MIA2: variants seen among roughly 807,000 people sequenced by gnomAD.
MIA2 encodes the protein MIA SH3 domain ER export factor 2, also known as melanoma inhibitory activity protein 2.
In MIA2, 127 loss-of-function variants were observed where a neutral mutation model predicts 167.8. That is an observed-to-expected ratio of 0.76 (90% CI 0.66 to 0.88). The LOEUF is 0.88. MIA2 is among the 40% of genes least tolerant of loss of function. MIA2 has a pLI of 0.00. For synonymous variants in MIA2, 552 were observed against 541.9 expected (o/e 1.02, Z -0.26); for missense variants, 1,690 against 1,624.7 (o/e 1.04, Z -0.69).
At chr14:39,327,095 G>A in intron 25 of MIA2, 73 bp downstream of exon 25, 3 of 1,199,286 alleles carry the variant, frequency 2.5e-6, no homozygotes, top group Non-Finnish European at 2.2e-6. Context: ...AATGGAAGAA[G>A]GGAGGAGTAT....
chr14:39,362,396 C>A (rs2074702959), intron 23 of MIA2, among the ~76,000 whole-genome samples: 1 of 152,102 alleles, frequency 6.6e-6, no homozygotes, highest in South Asian at 2.1e-4. Flanking sequence ...TTTTTGCTTT[C>A]TTTCTCATTC....
At chr14:39,325,282 TG>T (rs1378426286) in intron 24 of MIA2, among the ~76,000 whole-genome samples, 11 of 152,080 alleles carry the variant, frequency 7.2e-5, no homozygotes, top group African/African-American at 2.7e-4. Context: ...TTTTGTTTTC[TG>T]GACAATATAA....
chr14:39,318,310 A>G (rs1177236721), intron 22 of MIA2, among the ~76,000 whole-genome samples: 1 of 152,106 alleles, frequency 6.6e-6, no homozygotes, highest in East Asian at 1.9e-4. Flanking sequence ...GAAGGGGTGA[A>G]TCTCTCTGAC....
rs1180826719 is a variant in MIA2, at chr14:39,248,103, C to T, written c.1529C>T (p.Thr510Ile). ...ATTGATAATTATCCCACAGATAATACAAAAGTTATGATATTCAAAAGTTCA... is the reference window on the plus strand; with the variant it reads ...ATTGATAATTATCCCACAGATAATATAAAAGTTATGATATTCAAAAGTTCA... ...FSIDNYPTDN[T>I]KVMIFKSSYS... Residue 510 changes from threonine (T) to isoleucine (I), a missense_variant, in exon 4 of 29, where the codon ACA (threonine) becomes ATA (isoleucine). Transcript: ENST00000640607. 5 of 1,530,680 alleles carry T rather than the reference C, an allele frequency of 3.3e-6. No individual in the cohort carries two copies. Among genetic ancestry groups the T allele is most frequent in the Non-Finnish European group, 4.4e-6 (5 of 1,141,374 alleles). The allele number at this position is 1,530,680 out of a possible 1,614,324, so 94.8% of individuals were successfully genotyped here.
intron 25 of MIA2, among the ~76,000 whole-genome samples, chr14:39,337,088 CTTTGGACCT>C (rs2070590477): frequency 1.3e-5 from 2 of 152,224 alleles, no homozygotes; most frequent in South Asian, 4.1e-4. Context: ...TGTTTCATTT[CTTTGGACCT>C]TATATATTAT....
chr14:39,286,337 C>G (rs986030073), intron 9 of MIA2, among the ~76,000 whole-genome samples: 2 of 151,850 alleles, frequency 1.3e-5, no homozygotes, highest in Non-Finnish European at 1.5e-5. Context: ...TGCAGGCACT[C>G]GGCAGGCTGA....
chr14:39,319,809 A>G (rs1161605979), intron 23 of MIA2, among the ~76,000 whole-genome samples: 4 of 152,100 alleles, frequency 2.6e-5, no homozygotes, highest in Non-Finnish European at 4.4e-5. Flanking sequence ...TTTGTAAGAT[A>G]TATTTAATAT....
rs1418591411 is a variant in MIA2, at chr14:39,253,094, C to T, written c.1810C>T (p.Leu604=). The part of the protein sequence containing the change: ...QKEDASEFQI[L]KYLFQIDVYD... The stretch of plus-strand genomic sequence containing the variant: ...AGAAGATGCTTCTGAGTTTCAGATT[C>T]TGAAATACTTATTCCAAATTGATGT... The change falls in exon 6 of 29, where the codon CTG becomes TTG. Residue 604 remains leucine (L), a synonymous_variant. Transcript: ENST00000640607. 1 of 1,598,296 alleles carries T rather than the reference C, an allele frequency of 6.3e-7. No individual in the cohort carries two copies. Among genetic ancestry groups the T allele is most frequent in the East Asian group, 2.2e-5 (1 of 44,638 alleles).
intron 25 of MIA2, among the ~76,000 whole-genome samples, chr14:39,339,599 AGTT>A (rs2153045809): frequency 6.6e-6 from 1 of 152,324 alleles, no homozygotes; most frequent in Non-Finnish European, 1.5e-5. Flanking sequence ...AAAAAGGTGT[AGTT>A]ATGTATTTCA....
chr14:39,314,463 A>T, intron 19 of MIA2, among the ~76,000 whole-genome samples: 1 of 151,944 alleles, frequency 6.6e-6, no homozygotes, highest in Non-Finnish European at 1.5e-5. Flanking sequence ...AAAACAACAC[A>T]ATATACCACG....
chr14:39,310,305 T>G (rs2064017548), intron 18 of MIA2, among the ~76,000 whole-genome samples: 1 of 152,186 alleles, frequency 6.6e-6, no homozygotes, highest in African/African-American at 2.4e-5. Flanking sequence ...TGCTGGTGAT[T>G]TAGCTGTTTA....
chr14:39,346,041 G>C lies in MIA2; in HGVS notation c.3778+15G>C. On this transcript the variant is annotated intron_variant, in intron 26 of 28. Coordinates refer to ENST00000640607, the MANE Select transcript of MIA2 (RefSeq NM_001329214.4). Reference sequence around the variant, plus strand: ...GGATAAAATGGGTAAGAAGTACTTTGTGCTTTTCTTCTTTAAAAATTTTGG... The same window carrying C: ...GGATAAAATGGGTAAGAAGTACTTTCTGCTTTTCTTCTTTAAAAATTTTGG... 6.2e-7 allele frequency: 1 copy of C among 1,604,236 alleles called. No homozygotes were observed. The highest frequency in any genetic ancestry group is 2.2e-5 in the East Asian group (1 of 44,678).
At chr14:39,352,127 C>CT (rs1404019658), downstream of MIA2, among the ~76,000 whole-genome samples, 2 of 150,382 alleles carry the variant, frequency 1.3e-5, no homozygotes, top group South Asian at 2.1e-4. Flanking sequence ...TTTTCTTCTT[C>CT]TTTTTTGTCT....
chr14:39,248,237 GT>G (rs1164038093), intron 4 of MIA2, 96 bp downstream of exon 4: 3 of 983,162 alleles, frequency 3.1e-6, no homozygotes, highest in Non-Finnish European at 4.0e-6. Flanking sequence ...AGGAATCCAC[GT>G]TTTTCAGAAT....
chr14:39,321,099 A>C (rs755651281), intron 24 of MIA2, 43 bp downstream of exon 24: 8 of 1,560,884 alleles, frequency 5.1e-6, no homozygotes, highest in Non-Finnish European at 6.9e-6. Context: ...TTTCTTCCTT[A>C]CTTTATATTT....
chr14:39,367,059 C>T (rs1252700355), intron 23 of MIA2, among the ~76,000 whole-genome samples: 1 of 152,202 alleles, frequency 6.6e-6, no homozygotes, highest in Non-Finnish European at 1.5e-5. Context: ...TGTGGCCCTG[C>T]TGCTGATGGA....
At chr14:39,319,169 T>G (rs764935205) in intron 22 of MIA2, 40 bp from the exon 23 acceptor site, 3 of 1,220,764 alleles carry the variant, frequency 2.5e-6, no homozygotes, top group Non-Finnish European at 3.4e-6. Context: ...GGTGCTTCTC[T>G]TGGATGAGTA....
At chr14:39,284,156 G>C (rs566806335) in intron 9 of MIA2, among the ~76,000 whole-genome samples, 3 of 152,060 alleles carry the variant, frequency 2.0e-5, no homozygotes, top group Non-Finnish European at 4.4e-5. Context: ...CTTTTTCCCT[G>C]TGTTTTCTTC....
intron 6 of MIA2, among the ~76,000 whole-genome samples, chr14:39,255,427 G>T (rs2054777398): frequency 6.6e-6 from 1 of 152,176 alleles, no homozygotes. Flanking sequence ...AGAATTGCTT[G>T]AACCTGGGAA....
Sources: gnomAD v4.1 joint callset for allele counts (sites outside exome capture counted in the v4.1 genomes callset) on GRCh38, gnomAD v4.1.1 for gene constraint, MANE v1.5 for transcripts, NCBI Gene and HGNC (gene_info 2026-07-23, HGNC 2026-07-21) for gene names.